NBN: variants seen among roughly 807,000 people sequenced by gnomAD.
The protein encoded by NBN is nibrin.
NBN carries 88 observed loss-of-function variants against 90.8 expected under a neutral mutation model. The observed-to-expected ratio is 0.97, with a 90% CI of 0.82 to 1.16. The LOEUF is 1.16. Among genes scored for constraint, NBN ranks in the 50% most tolerant of loss-of-function variants. The pLI is 0.00. For missense variants in NBN, 894 were observed against 869.6 expected (o/e 1.03, Z -0.35); for synonymous variants, 328 against 295.1 (o/e 1.11, Z -1.14).
chr8:89,957,612 G>A (rs1810786426), intron 9 of NBN, among the ~76,000 whole-genome samples: 1 of 152,156 alleles, frequency 6.6e-6, no homozygotes, highest in Admixed American at 6.5e-5. Flanking sequence ...ACAGCTTCCA[G>A]TCCTACAAGC....
intron 2 of NBN, 126 bp downstream of exon 2, chr8:89,982,596 A>T: frequency 1.2e-6 from 1 of 864,506 alleles, no homozygotes; most frequent in Non-Finnish European, 1.9e-6. Flanking sequence ...TGTTAACATT[A>T]AAAAAGTCTA....
chr8:89,947,845 T>C lies in NBN; in HGVS notation c.1893A>G (p.Leu631=), dbSNP rs778364604. ...GKKRELKEDS[L]WSAKEISNND... ...TCACAGATATTTCTTTAGCTGACCA[T>C]AGTGAGTCTTCCTTGAGTTCACGTT... Residue 631 remains leucine (L), a synonymous_variant, in exon 12 of 16, where the codon CTA becomes CTG. Transcript: ENST00000265433. The C allele has an allele frequency of 9.5e-6, 15 of 1,581,972 alleles. No homozygotes were observed. Among genetic ancestry groups the C allele is most frequent in the Non-Finnish European group, 1.2e-5 (14 of 1,155,120 alleles).
chr8:89,949,651 G>C lies in NBN; in HGVS notation c.1846-1759C>G, dbSNP rs867188658. On this transcript the variant is annotated intron_variant, in intron 11 of 15. Transcript: ENST00000265433. ...ATTTCAGCTGACAGGAAATCTTACA[G>C]ACATGCTATAATCTAAATTTAGATC... is the stretch of plus-strand genomic sequence containing the variant. Among the ~76,000 whole-genome samples, 5 of 152,268 alleles carry C rather than the reference G, an allele frequency of 3.3e-5. No homozygotes were observed. The Middle Eastern group carries it at 0.014, about 414-fold the overall frequency.
chr8:89,970,465 A>G lies in NBN; in HGVS notation c.795T>C (p.Ala265=). The change falls in exon 7 of 16, where the codon GCT becomes GCC. Residue 265 remains alanine, a synonymous_variant. Coordinates refer to ENST00000265433, the MANE Select transcript of NBN (RefSeq NM_002485.5). ...ENEEEHNFFL[A]PGTCVVDTGI... is the part of the protein sequence containing the mutation. ...CTGTATCAACAACACACGTTCCCGG[A>G]GCCAAAAAGAAATTATGTTCTTCTT... 1 of 1,613,980 alleles carries G rather than the reference A, an allele frequency of 6.2e-7. No homozygotes were observed.
intron 7 of NBN, among the ~76,000 whole-genome samples, chr8:89,966,274 A>T (rs1343797468): frequency 6.6e-6 from 1 of 152,216 alleles, no homozygotes; most frequent in Non-Finnish European, 1.5e-5. Context: ...AGGAGAATGG[A>T]AACATTCCTT....
chr8:89,958,588 A>G (rs994823178), intron 9 of NBN, 137 bp downstream of exon 9: 9 of 1,089,016 alleles, frequency 8.3e-6, no homozygotes, highest in Non-Finnish European at 6.8e-6. Flanking sequence ...TTGTCCTAAG[A>G]TATCATTTTC....
intron 15 of NBN, chr8:89,936,230 C>A (rs1023838917): frequency 4.4e-6 from 1 of 225,566 alleles, no homozygotes; most frequent in African/African-American, 2.4e-5. Context: ...GTGCATGCCA[C>A]CACGCCTGGC....
At chr8:89,977,048 T>C (rs1273321184) in intron 5 of NBN, among the ~76,000 whole-genome samples, 1 of 152,040 alleles carries the variant, frequency 6.6e-6, no homozygotes, top group Non-Finnish European at 1.5e-5. Flanking sequence ...TGGCATAACA[T>C]TTAAAATTTT....
Position 89,937,020 on chromosome 8 carries a change from C to T in NBN, c.2234+6G>A, listed in dbSNP as rs773985315. 6.2e-7 allele frequency: 1 copy of T among 1,604,280 alleles called. No individual in the cohort carries two copies. The highest frequency in any genetic ancestry group is 8.5e-7 in the Non-Finnish European group (1 of 1,171,898). ...AGGTACATGAGAAAGGTGAATCAAA[C>T]TTTACCTAAAAAGATCATCAGCAAG... On this transcript the variant is annotated splice_donor_region_variant and intron_variant, in intron 15 of 15. Coordinates refer to ENST00000265433, the MANE Select transcript of NBN (RefSeq NM_002485.5).
chr8:89,953,361 A>T lies in NBN; in HGVS notation c.1728T>A (p.Ile576=). The change falls in exon 11 of 16, where the codon ATT becomes ATA. Residue 576 remains isoleucine, a synonymous_variant. Coordinates refer to ENST00000265433, the MANE Select transcript of NBN (RefSeq NM_002485.5). ...CCTCCTGTTTTTGAACTTTCACATC[A>T]ATTTCTAACTCTGGTTTTGTGTCCT... ...LFKDTKPELE[I]DVKVQKQEED... 1.2e-6 allele frequency: 2 copies of T among 1,613,474 alleles called. No individual in the cohort carries two copies. Among genetic ancestry groups the T allele is most frequent in the Non-Finnish European group, 1.7e-6 (2 of 1,179,734 alleles).
At position 89,935,004 on chromosome 8, in the gene NBN, AAGCCATTT is replaced by A. The variant is rs1229549987; in HGVS notation, c.*570_*577del. 2 of 232,992 alleles carry A rather than the reference AAGCCATTT, an allele frequency of 8.6e-6. No individual in the cohort carries two copies. The highest frequency in any genetic ancestry group is 4.4e-5 in the African/African-American group (2 of 45,318). The allele number at this position is 232,992 out of a possible 1,614,324, so 14.4% of individuals were successfully genotyped here. On this transcript the variant is annotated 3_prime_UTR_variant, in exon 16 of 16. Coordinates refer to ENST00000265433, the MANE Select transcript of NBN (RefSeq NM_002485.5). The stretch of plus-strand genomic sequence containing the variant: ...CATGTAGGTGACATCTGCACCACTG[AAGCCATTT>A]TGTTTGGATCACCAGAGTTTAGGTA...
At position 89,964,487 on chromosome 8, in the gene NBN, G is replaced by A. The variant is rs1563548981; in HGVS notation, c.917C>T (p.Pro306Leu). The change falls in exon 8 of 16, where the codon CCT becomes CTT. Residue 306 changes from proline (P) to leucine (L), a missense_variant. By Grantham distance (98) the Pro-to-Leu change is moderately conservative. Coordinates refer to ENST00000265433, the MANE Select transcript of NBN (RefSeq NM_002485.5). The part of the protein sequence containing the change: ...MLQRQGLRPI[P>L]EAEIGLAVIF... ...CACCGCCAATCCAATTTCTGCTTCA[G>A]GAATAGGTCTAAGACCTTGCCTATT... 4 of 1,605,166 alleles carry A rather than the reference G, an allele frequency of 2.5e-6. No individual in the cohort carries two copies. Among genetic ancestry groups the A allele is most frequent in the Non-Finnish European group, 3.4e-6 (4 of 1,172,086 alleles).
intron 11 of NBN, among the ~76,000 whole-genome samples, chr8:89,949,890 G>A (rs1427988361): frequency 1.3e-5 from 2 of 152,130 alleles, no homozygotes; most frequent in East Asian, 1.9e-4. Context: ...TTTAATCCAT[G>A]AGATTAACAT....
At chr8:89,974,624 G>A (rs1442368159) in intron 5 of NBN, among the ~76,000 whole-genome samples, 1 of 152,176 alleles carries the variant, frequency 6.6e-6, no homozygotes, top group Non-Finnish European at 1.5e-5. Context: ...TAGGGAAGAC[G>A]TAGAGGGTAC....
rs1586066252 is a variant in NBN, at chr8:89,958,863, C to T, written c.995-9G>A. 1 of 1,613,310 alleles carries T rather than the reference C, an allele frequency of 6.2e-7. No individual in the cohort carries two copies. The highest frequency in any genetic ancestry group is 8.5e-7 in the Non-Finnish European group (1 of 1,179,386). ...AGTTGTTGTCTTTAATCCTGTAAATCACACAAGTAGAAAGAAAGAATCACA... is the reference window on the plus strand; with the variant it reads ...AGTTGTTGTCTTTAATCCTGTAAATTACACAAGTAGAAAGAAAGAATCACA... On this transcript the variant is annotated splice_polypyrimidine_tract_variant and intron_variant, in intron 8 of 15. Transcript: ENST00000265433.
chr8:89,984,323 G>A, intron 1 of NBN: 3 of 633,774 alleles, frequency 4.7e-6, no homozygotes, highest in East Asian at 5.6e-5. Context: ...TCACCCCACC[G>A]CCCGCGCTGA....
Position 89,981,817 on chromosome 8 carries a change from T to C in NBN, c.172-294A>G, listed in dbSNP as rs940089328. 7.4e-6 allele frequency: 4 copies of C among 540,822 alleles called. No individual in the cohort carries two copies. The African/African-American group carries it at 7.8e-5, about 11-fold the overall frequency. The allele number at this position is 540,822 out of a possible 1,614,324, so 33.5% of individuals were successfully genotyped here. On this transcript the variant is annotated intron_variant, in intron 2 of 15. Coordinates refer to ENST00000265433, the MANE Select transcript of NBN (RefSeq NM_002485.5). Reference sequence around the variant, plus strand: ...ACACACATTTGAGAATTTTTTGCTTTGGTGCAGTCTGTTTCATTTAAAACA... The same window carrying C: ...ACACACATTTGAGAATTTTTTGCTTCGGTGCAGTCTGTTTCATTTAAAACA...
Sources: gnomAD v4.1 joint callset for allele counts (sites outside exome capture counted in the v4.1 genomes callset) on GRCh38, gnomAD v4.1.1 for gene constraint, MANE v1.5 for transcripts, NCBI Gene and HGNC (gene_info 2026-07-23, HGNC 2026-07-21) for gene names.